The following CIITA variants were observed in gnomAD, a reference collection of about 807,000 sequenced individuals.
CIITA encodes MHC class II transactivator.
Under a neutral mutation model 115.1 loss-of-function variants are expected in CIITA, and 72 were observed. That is an observed-to-expected ratio of 0.63 (90% confidence interval 0.52 to 0.76). CIITA has a LOEUF of 0.76. Among genes scored for constraint, CIITA ranks in the 30% least tolerant of loss-of-function variants. CIITA has a pLI of 0.00. For missense variants in CIITA, 1,617 were observed against 1,463.8 expected, an observed-to-expected ratio of 1.10 and a Z score of -1.71; for synonymous variants, 763 against 635.6, an observed-to-expected ratio of 1.20 and a Z score of -3.02.
intron 13 of CIITA, among the ~76,000 whole-genome samples, chr16:10,914,042 T>C (rs989729108): frequency 1.3e-5 from 2 of 152,150 alleles, no homozygotes; most frequent in African/African-American, 4.8e-5. Context: ...TGATTCATTG[T>C]CTCAGACATC....
At position 10,910,378 on chromosome 16, in the gene CIITA, C is replaced by G; in HGVS notation, c.2888+119C>G. The G allele has an allele frequency of 3.3e-6, 3 of 897,160 alleles. 1 individual carries two copies. In the South Asian group the frequency reaches 4.3e-5, roughly 13 times the overall value. 55.6% of individuals were successfully genotyped at this position (897,160 alleles called of 1,614,324 possible). A position where few individuals can be genotyped will look rare whatever the true frequency, so the allele number is the denominator to read the frequency against. The stretch of plus-strand genomic sequence containing the variant: ...AGAATCATTCTTACCCTCTTGCCCA[C>G]CACTTTGGAAATAGCTTCCAGCAGC... On this transcript the variant is annotated intron_variant, in intron 13 of 19. Transcript: ENST00000324288.
At chr16:10,904,043 G>A (rs2038966338) in intron 9 of CIITA, 148 bp downstream of exon 9, 2 of 993,554 alleles carry the variant, frequency 2.0e-6, no homozygotes, top group Non-Finnish European at 3.1e-6. Context: ...AGGGTCTCCA[G>A]GGAGTGGAGG....
rs2040878814 is a variant in CIITA, at chr16:10,933,325, TAAG to T, written c.*9475_*9477del. On this transcript the variant is annotated 3_prime_UTR_variant, in exon 20 of 20. Transcript: ENST00000324288. The stretch of plus-strand genomic sequence containing the variant: ...TGCCTGGTTCAGGATGTGGCTTAAG[TAAG>T]AAGATGGCCCTGGCGTTTTACGCGC... The T allele has an allele frequency of 6.6e-6, 1 of 152,304 alleles. No homozygotes were observed. The highest frequency in any genetic ancestry group is 2.4e-5 in the African/African-American group (1 of 41,450). The allele number at this position is 152,304 out of a possible 1,614,324, so 9.4% of individuals were successfully genotyped here. A position where few individuals can be genotyped will look rare whatever the true frequency, so the allele number is the denominator to read the frequency against.
At chr16:10,910,650 G>C (rs576622112) in intron 13 of CIITA, among the ~76,000 whole-genome samples, 1 of 152,208 alleles carries the variant, frequency 6.6e-6, no homozygotes, top group Non-Finnish European at 1.5e-5. Context: ...TGAGCTGAGT[G>C]GGGAGAGGGG....
intron 1 of CIITA, among the ~76,000 whole-genome samples, chr16:10,867,547 G>A (rs1182311026): frequency 1.3e-5 from 2 of 151,914 alleles, no homozygotes; most frequent in Admixed American, 6.6e-5. Flanking sequence ...GAGAAGGTGG[G>A]GGAAAGAAAG....
intron 15 of CIITA, 35 bp downstream of exon 15, chr16:10,916,494 G>A (rs375891767): frequency 1.5e-5 from 23 of 1,576,482 alleles, no homozygotes; most frequent in South Asian, 1.2e-4. Context: ...CTGCTGAATC[G>A]GGCCCCCAAA....
rs956221633 is a variant in CIITA, at chr16:10,930,840, G to C, written c.*6985G>C. 1 of 152,234 alleles carries C rather than the reference G, an allele frequency of 6.6e-6. No homozygotes were observed. Among genetic ancestry groups the C allele is most frequent in the Non-Finnish European group, 1.5e-5 (1 of 68,054 alleles). 9.4% of individuals were successfully genotyped at this position (152,234 alleles called of 1,614,324 possible). ...CCAGAGCCTGCTTGGTCCTCAGGCT[G>C]TAAGTGCAGGCAGAGCTAATGTCTC... On this transcript the variant is annotated 3_prime_UTR_variant, in exon 20 of 20. Coordinates refer to ENST00000324288, the MANE Select transcript of CIITA (RefSeq NM_000246.4).
At position 10,923,484 on chromosome 16, in the gene CIITA, G is replaced by T. The variant is rs921023799; in HGVS notation, c.*22+159G>T. Reference sequence around the variant, plus strand: ...AGACATCCCCTCATCTCCACCCTGGGCTCGGTGGAGCTGTCCTCCAGGCTT... The same window carrying T: ...AGACATCCCCTCATCTCCACCCTGGTCTCGGTGGAGCTGTCCTCCAGGCTT... On this transcript the variant is annotated intron_variant, in intron 19 of 19. Coordinates refer to ENST00000324288, the MANE Select transcript of CIITA (RefSeq NM_000246.4). This position sits in a 1 kb window ranked among gnomAD's most constrained non-coding sequence, Gnocchi z 5.2. 6.6e-6 allele frequency among the ~76,000 whole-genome samples: 1 copy of T among 152,176 alleles called. No homozygotes were observed. The highest frequency in any genetic ancestry group is 2.1e-4 in the South Asian group (1 of 4,834).
At position 10,901,455 on chromosome 16, in the gene CIITA, C is replaced by T; in HGVS notation, c.437-59C>T. Reference sequence around the variant, plus strand: ...CCGTATAGCCTGCTAGAGTCCTGAGCCCCTTCTGGCTTGGGACATCCTCTC... The same window carrying T: ...CCGTATAGCCTGCTAGAGTCCTGAGTCCCTTCTGGCTTGGGACATCCTCTC... On this transcript the variant is annotated intron_variant, in intron 5 of 19. Transcript: ENST00000324288. The surrounding 1 kb of genome is among the most constrained non-coding windows in gnomAD (Gnocchi z 6.8). The T allele has an allele frequency of 6.3e-7, 1 of 1,585,968 alleles. No individual in the cohort carries two copies. Among genetic ancestry groups the T allele is most frequent in the Non-Finnish European group, 8.7e-7 (1 of 1,154,870 alleles).
intron 7 of CIITA, 69 bp from the exon 8 acceptor site, chr16:10,902,589 T>C (rs1425581792): frequency 5.6e-6 from 9 of 1,600,376 alleles, no homozygotes; most frequent in Non-Finnish European, 7.7e-6. Context: ...ATTAATCAAA[T>C]AAGCAAAAGC....
Position 10,929,223 on chromosome 16 carries a change from C to T in CIITA, c.*5368C>T, listed in dbSNP as rs990296816. On this transcript the variant is annotated 3_prime_UTR_variant, in exon 20 of 20. Coordinates refer to ENST00000324288, the MANE Select transcript of CIITA (RefSeq NM_000246.4). This position sits in a 1 kb window ranked among gnomAD's most constrained non-coding sequence, Gnocchi z 4.3. ...GCCTGAAGGCTCAACTCACATCAAA[C>T]GGAGCTGGGAGTCGCTTTTGCGTGT... 1.2e-5 allele frequency: 12 copies of T among 985,766 alleles called. No homozygotes were observed. The highest frequency in any genetic ancestry group is 6.1e-5 in the Admixed American group (1 of 16,264). The allele number at this position is 985,766 out of a possible 1,614,324, so 61.1% of individuals were successfully genotyped here.
chr16:10,893,180 C>T (rs1379065886), intron 1 of CIITA, among the ~76,000 whole-genome samples: 3 of 152,132 alleles, frequency 2.0e-5, no homozygotes, highest in Admixed American at 1.3e-4. Flanking sequence ...CCAGAGGCAG[C>T]GTGGCCCTGC....
chr16:10,894,328 AG>A (rs1782792113), intron 1 of CIITA, among the ~76,000 whole-genome samples: 2 of 152,338 alleles, frequency 1.3e-5, no homozygotes, highest in South Asian at 4.1e-4. Context: ...TTTATTGTAT[AG>A]ATAAGCAACA....
upstream of CIITA, among the ~76,000 whole-genome samples, chr16:10,873,265 T>A (rs1459646293): frequency 6.6e-6 from 1 of 152,244 alleles, no homozygotes. Context: ...CCTCGCCTGA[T>A]AATGTGTCTT....
rs558251806 is a variant in CIITA at position 10,877,277 on chromosome 16, C to T, written c.-54C>T. 26 of 1,572,414 alleles carry T rather than the reference C, an allele frequency of 1.7e-5. No individual in the cohort carries two copies. The Admixed American group carries it at 3.8e-4, about 23-fold the overall frequency. On this transcript the variant is annotated 5_prime_UTR_variant, in exon 1 of 20. In the 5' UTR this introduces an upstream ATG that the reference lacks. Transcript: ENST00000324288. Reference sequence around the variant, plus strand: ...GGCATCCTTGGGGAAGCTGAGGGCACGAGGAGGGGCTGCCAGACTCCGGGA... The same window carrying T: ...GGCATCCTTGGGGAAGCTGAGGGCATGAGGAGGGGCTGCCAGACTCCGGGA...
chr16:10,907,814 C>A lies in CIITA; in HGVS notation c.2322C>A (p.Leu774=), dbSNP rs77072504. The A allele has an allele frequency of 1.2e-6, 2 of 1,614,030 alleles. No individual in the cohort carries two copies. The highest frequency in any genetic ancestry group is 1.7e-6 in the Non-Finnish European group (2 of 1,179,954). ...CCGCCCGCTGCCTGGGAGCCCTACTCGGGCCATCGGCGGCTGCCTCGGTGG... is the reference window on the plus strand; with the variant it reads ...CCGCCCGCTGCCTGGGAGCCCTACTAGGGCCATCGGCGGCTGCCTCGGTGG... ...QPPARCLGAL[L]GPSAAASVDR... The change falls in exon 11 of 20, where the codon CTC becomes CTA. Residue 774 remains leucine, a synonymous_variant. Coordinates refer to ENST00000324288, the MANE Select transcript of CIITA (RefSeq NM_000246.4). The surrounding 1 kb of genome is among the most constrained non-coding windows in gnomAD (Gnocchi z 5.0).
chr16:10,923,091 C>G lies in CIITA; in HGVS notation c.3318-137C>G. ...TTCTCCTTTTCCCCATGACCCACAC[C>G]GGTCGGTATCTTGCCAGGGGAAAAG... is the stretch of plus-strand genomic sequence containing the variant. On this transcript the variant is annotated intron_variant, in intron 18 of 19. Transcript: ENST00000324288. This position sits in a 1 kb window ranked among gnomAD's most constrained non-coding sequence, Gnocchi z 5.2. 1.3e-6 allele frequency: 1 copy of G among 765,694 alleles called. No individual in the cohort carries two copies. Among genetic ancestry groups the G allele is most frequent in the Non-Finnish European group, 2.3e-6 (1 of 431,040 alleles). 47.4% of individuals were successfully genotyped at this position (765,694 alleles called of 1,614,324 possible).
intron 16 of CIITA, among the ~76,000 whole-genome samples, chr16:10,921,551 C>T (rs57783995): frequency 0.1 from 15,320 of 152,244 alleles, 777 homozygotes; most frequent in East Asian, 0.17. Context: ...TACTCCTCCC[C>T]ACAATGACTC....
upstream of CIITA, among the ~76,000 whole-genome samples, chr16:10,874,115 C>T (rs932218946): frequency 4.6e-5 from 7 of 152,116 alleles, no homozygotes; most frequent in Admixed American, 3.9e-4. Context: ...TCCCAAGTAA[C>T]TGGGATTACA....
Sources: allele counts gnomAD v4.1 joint callset (sites outside exome capture counted in the v4.1 genomes callset), GRCh38; gene constraint gnomAD v4.1.1; non-coding constraint Gnocchi (gnomAD v3.1); transcripts MANE v1.5; gene names NCBI Gene and HGNC (gene_info 2026-07-23, HGNC 2026-07-21).